Variants in AHCTF1 observed in about 807,000 individuals in gnomAD.
AHCTF1 encodes the protein protein ELYS.
In AHCTF1, 24 loss-of-function variants were observed where a neutral mutation model predicts 248.4. That is an observed-to-expected ratio of 0.10 (90% confidence interval 0.07 to 0.14). The LOEUF (loss-of-function observed/expected upper bound fraction) is 0.14, where lower values mean the gene tolerates loss of function less well. AHCTF1 is among the 10% of genes least tolerant of loss of function. AHCTF1 has a pLI of 1.00. For missense variants in AHCTF1, 2,206 were observed against 2,636.2 expected, an observed-to-expected ratio of 0.84 and a Z score of 3.57; for synonymous variants, 786 against 929.8, an observed-to-expected ratio of 0.85 and a Z score of 2.81.
rs1558229750 is a variant in AHCTF1, at chr1:246,867,904, CACACA to C, written c.3089-98_3089-94del. 5.6e-4 allele frequency: 174 copies of C among 308,730 alleles called. 1 individual carries two copies. The highest frequency in any genetic ancestry group is 1.9e-3 in the East Asian group (20 of 10,568). The allele number at this position is 308,730 out of a possible 1,614,324, so 19.1% of individuals were successfully genotyped here. On this transcript the variant is annotated intron_variant, in intron 24 of 35. Coordinates refer to ENST00000648844, the MANE Select transcript of AHCTF1 (RefSeq NM_001323342.2). The stretch of plus-strand genomic sequence containing the variant: ...AAGAATGATTACACCCCCCCCCCCA[CACACA>C]CACACACACACATTACGTGGTAATA...
At chr1:246,930,801 C>T (rs1442870822) in intron 1 of AHCTF1, among the ~76,000 whole-genome samples, 1 of 152,094 alleles carries the variant, frequency 6.6e-6, no homozygotes, top group African/African-American at 2.4e-5. Context: ...ACGTTTTGTT[C>T]TATGAAGAAC....
intron 31 of AHCTF1, among the ~76,000 whole-genome samples, chr1:246,855,340 A>G (rs1425936022): frequency 6.6e-6 from 1 of 152,224 alleles, no homozygotes; most frequent in African/African-American, 2.4e-5. Context: ...AAAATTCCAT[A>G]TATTTGTTAA....
intron 7 of AHCTF1, 45 bp from the exon 8 acceptor site, chr1:246,902,720 A>C (rs1426250185): frequency 6.7e-7 from 1 of 1,489,444 alleles, no homozygotes; most frequent in Non-Finnish European, 9.0e-7. Context: ...TTCTAGGCAA[A>C]AAGTCACTCT....
In AHCTF1 at chr1:246,910,591, A is replaced by T. The variant is rs192499008; in HGVS notation, c.556+2641T>A. Reference sequence around the variant, plus strand: ...GTGATGGGTTTATGGGAACTCTTGTATTCTTCTAACTATCTGAAGATGTCT... The same window carrying T: ...GTGATGGGTTTATGGGAACTCTTGTTTTCTTCTAACTATCTGAAGATGTCT... On this transcript the variant is annotated intron_variant, in intron 4 of 35. Transcript: ENST00000648844. 3.3e-5 allele frequency among the ~76,000 whole-genome samples: 5 copies of T among 152,328 alleles called. No individual in the cohort carries two copies. The East Asian group carries it at 9.6e-4, about 29-fold the overall frequency.
chr1:246,860,725 T>G (rs566717919), intron 29 of AHCTF1, among the ~76,000 whole-genome samples, 174 bp downstream of exon 29: 13 of 152,240 alleles, frequency 8.5e-5, no homozygotes, highest in Admixed American at 7.8e-4. Context: ...AGGCTGGTCT[T>G]GAACTCCTGG....
rs765628964 is a variant in AHCTF1, at chr1:246,850,246, C to T, written c.5760G>A (p.Lys1920=). The stretch of plus-strand genomic sequence containing the variant: ...GCTTGTCACTGGATTTATCATCTTG[C>T]TTATTTCCTGTATTTTCAGAAGCAT... ...NLDASENTGN[K]QDDKSSDKQL... Residue 1920 remains lysine, a synonymous_variant, in exon 33 of 36, where the codon AAG becomes AAA. Coordinates refer to ENST00000648844, the MANE Select transcript of AHCTF1 (RefSeq NM_001323342.2). 127 of 1,613,794 alleles carry T rather than the reference C, an allele frequency of 7.9e-5. No homozygotes were observed. Among genetic ancestry groups the T allele is most frequent in the Non-Finnish European group, 1.0e-4 (122 of 1,179,856 alleles).
rs1661467115 is a variant in AHCTF1 at position 246,860,596 on chromosome 1, G to GACC, written c.4132+302_4132+303insGGT. The stretch of plus-strand genomic sequence containing the variant: ...GATAGGGTCTTGCTCTGTCACGCAG[G>GACC]CTAAAGTACAGTGGTGCAATCATGA... On this transcript the variant is annotated intron_variant, in intron 29 of 35. Coordinates refer to ENST00000648844, the MANE Select transcript of AHCTF1 (RefSeq NM_001323342.2). Among the ~76,000 whole-genome samples the GACC allele has an allele frequency of 2.0e-5, 3 of 152,130 alleles. No homozygotes were observed. The South Asian group carries it at 6.2e-4, about 32-fold the overall frequency.
intron 31 of AHCTF1, among the ~76,000 whole-genome samples, chr1:246,854,298 C>CAAAA (rs56086758): frequency 1.8e-5 from 2 of 113,500 alleles, no homozygotes; most frequent in African/African-American, 6.2e-5. Context: ...GACTCTGTTT[C>CAAAA]AAAAAAAAAA....
chr1:246,869,281 C>A (rs955104949), intron 24 of AHCTF1, among the ~76,000 whole-genome samples: 4 of 152,158 alleles, frequency 2.6e-5, no homozygotes, highest in Non-Finnish European at 2.9e-5. Flanking sequence ...TCCCCGAGGA[C>A]CTCCCTTATT....
chr1:246,843,810 C>T lies in AHCTF1; in HGVS notation c.6510G>A (p.Lys2170=). 1 of 1,453,086 alleles carries T rather than the reference C, an allele frequency of 6.9e-7. No individual in the cohort carries two copies. Among genetic ancestry groups the T allele is most frequent in the Non-Finnish European group, 9.1e-7 (1 of 1,100,166 alleles). The allele number at this position is 1,453,086 out of a possible 1,614,324, so 90.0% of individuals were successfully genotyped here. Residue 2170 remains lysine (K), a synonymous_variant, in exon 34 of 36, where the codon AAG becomes AAA. Transcript: ENST00000648844. ...SRQKNTSNKN[K]LEDELKDDAQ... ...CATTTCTTACCAGTTCATCTTCAAG[C>T]TTGTTCTTATTGGATGTGTTTTTTT...
intron 10 of AHCTF1, 139 bp from the exon 11 acceptor site, chr1:246,899,651 G>A (rs1664855232): frequency 1.7e-6 from 1 of 600,750 alleles, no homozygotes; most frequent in Admixed American, 3.8e-5. Flanking sequence ...ACTTTTCTAG[G>A]TATTTTCATC....
chr1:246,927,873 C>T (rs183319280), intron 1 of AHCTF1, among the ~76,000 whole-genome samples: 40 of 152,140 alleles, frequency 2.6e-4, no homozygotes, highest in Non-Finnish European at 5.0e-4. Context: ...CGCGGTAGCG[C>T]GCTGTAGTCC....
Position 246,894,660 on chromosome 1 carries a change from T to G in AHCTF1, c.1803A>C (p.Leu601=). ...TACATCTAGACCTCTAATACTTACA[T>G]AGTCTGTCAAATTCCTCTTTTGTGA... ...VVLTKEEFDR[L]CVPLFDGSCH... The change falls in exon 14 of 36, where the codon CTA becomes CTC. Residue 601 remains leucine, a splice_region_variant and synonymous_variant. Coordinates refer to ENST00000648844, the MANE Select transcript of AHCTF1 (RefSeq NM_001323342.2). The G allele has an allele frequency of 1.2e-6, 2 of 1,611,290 alleles. No homozygotes were observed. Among genetic ancestry groups the G allele is most frequent in the East Asian group, 2.2e-5 (1 of 44,854 alleles).
In AHCTF1 at chr1:246,851,097, G is replaced by T. The variant is rs572453159; in HGVS notation, c.4909C>A (p.Gln1637Lys). ...VCSGENDNHG[Q>K]IANLPSAVTS... is the part of the protein sequence containing the mutation. ...ACGGCAGATGGCAAATTTGCAATTT[G>T]TCCATGATTATCATTTTCCCCACTG... Residue 1637 changes from glutamine (Q) to lysine (K), a missense_variant, in exon 33 of 36, where the codon CAA becomes AAA. Gln to Lys is a moderately conservative substitution (Grantham distance 53). Transcript: ENST00000648844. The T allele has an allele frequency of 5.0e-6, 8 of 1,613,894 alleles. No individual in the cohort carries two copies. The East Asian group carries it at 1.6e-4, about 31-fold the overall frequency.
At chr1:246,849,062 C>T (rs113355017) in intron 33 of AHCTF1, among the ~76,000 whole-genome samples, 10 of 152,036 alleles carry the variant, frequency 6.6e-5, no homozygotes, top group African/African-American at 2.4e-4. Flanking sequence ...GAGAGATCAC[C>T]CCTGTTGAGA....
rs781636571 is a variant in AHCTF1 at position 246,876,166 on chromosome 1, G to A, written c.2959C>T (p.Arg987Trp). ...GAATTTCGAGCCAGTGATCTCTCCC[G>A]CAAACGAGGATCACGATCATTCTAT... is the stretch of plus-strand genomic sequence containing the variant. ...NVMNDRDPRLRERSLARNSIL... is the reference protein window; with the variant it reads ...NVMNDRDPRLWERSLARNSIL... Residue 987 changes from arginine to tryptophan, a missense_variant, in exon 24 of 36, where the codon CGG becomes TGG. By Grantham distance (101) the Arg-to-Trp change is moderately radical. Coordinates refer to ENST00000648844, the MANE Select transcript of AHCTF1 (RefSeq NM_001323342.2). The A allele has an allele frequency of 1.1e-5, 18 of 1,595,140 alleles. No individual in the cohort carries two copies. Among genetic ancestry groups the A allele is most frequent in the South Asian group, 3.4e-5 (3 of 88,424 alleles).
In AHCTF1 at chr1:246,875,960, A is replaced by G. The variant is rs1054002992; in HGVS notation, c.3088+77T>C. On this transcript the variant is annotated intron_variant, in intron 24 of 35. Transcript: ENST00000648844. The stretch of plus-strand genomic sequence containing the variant: ...GTGTTAGCGAAAGTAGCTAAATTTA[A>G]GGTGGTTTCAGAAAAGTAATCATTC... 9.6e-6 allele frequency: 13 copies of G among 1,358,032 alleles called. No homozygotes were observed. The African/African-American group carries it at 1.2e-4, about 12-fold the overall frequency. The allele number at this position is 1,358,032 out of a possible 1,614,324, so 84.1% of individuals were successfully genotyped here.
chr1:246,877,912 GTTAT>G (rs1259603364), intron 21 of AHCTF1, among the ~76,000 whole-genome samples: 1 of 151,852 alleles, frequency 6.6e-6, no homozygotes, highest in East Asian at 1.9e-4. Flanking sequence ...TTTTTTTACT[GTTAT>G]TTATTTATTT....
At chr1:246,886,110 C>T (rs1438995834) in intron 20 of AHCTF1, among the ~76,000 whole-genome samples, 2 of 152,024 alleles carry the variant, frequency 1.3e-5, no homozygotes, top group East Asian at 3.9e-4. Flanking sequence ...GTGGGCAGAT[C>T]AGTTGAGGTC....
Sources: allele counts gnomAD v4.1 joint callset (sites outside exome capture counted in the v4.1 genomes callset), GRCh38; gene constraint gnomAD v4.1.1; transcripts MANE v1.5; gene names NCBI Gene and HGNC (gene_info 2026-07-23, HGNC 2026-07-21).